Variants in LPAR1 observed in about 807,000 individuals in gnomAD.
LPAR1 encodes lysophosphatidic acid receptor 1, also known as LPA receptor 1.
Under a neutral mutation model 23.8 loss-of-function variants are expected in LPAR1, and 5 were observed. That is an observed-to-expected ratio of 0.21 (90% CI 0.11 to 0.44). LPAR1 has a LOEUF of 0.44. Among genes scored for constraint, LPAR1 ranks in the 20% least tolerant of loss-of-function variants. LPAR1 has a pLI of 0.99. For missense variants in LPAR1, 311 were observed against 482.8 expected (o/e 0.64, Z 3.33); for synonymous variants, 160 against 164.7 (o/e 0.97, Z 0.22).
intron 5 of LPAR1, among the ~76,000 whole-genome samples, chr9:110,898,576 T>C (rs553217310): frequency 2.0e-4 from 30 of 152,276 alleles, no homozygotes; most frequent in Middle Eastern, 6.8e-3. Flanking sequence ...TCAAGGGTCA[T>C]CGGGTTTACA....
At chr9:110,892,702 G>A (rs2084663533) in intron 5 of LPAR1, among the ~76,000 whole-genome samples, 1 of 149,096 alleles carries the variant, frequency 6.7e-6, no homozygotes, top group Admixed American at 6.7e-5. Context: ...GGAGGGGAAG[G>A]GAAAGGAAGG....
At chr9:110,962,211 T>G (rs1360620835) in intron 4 of LPAR1, among the ~76,000 whole-genome samples, 4 of 152,140 alleles carry the variant, frequency 2.6e-5, no homozygotes, top group African/African-American at 9.7e-5. Flanking sequence ...TGACAGCTCA[T>G]TCCTAAGTTC....
chr9:111,012,194 T>C (rs2097343781), intron 2 of LPAR1, among the ~76,000 whole-genome samples: 2 of 152,142 alleles, frequency 1.3e-5, no homozygotes, highest in South Asian at 4.1e-4. Flanking sequence ...AAGGCTGCAA[T>C]GAGCAGTTAT....
At chr9:110,924,660 C>T (rs955323138) in intron 5 of LPAR1, among the ~76,000 whole-genome samples, 1 of 150,832 alleles carries the variant, frequency 6.6e-6, no homozygotes, top group Non-Finnish European at 1.5e-5. Context: ...TAGCAATACA[C>T]TATCTCTTAG....
At chr9:110,947,583 C>T (rs1055788913) in intron 4 of LPAR1, among the ~76,000 whole-genome samples, 1 of 152,148 alleles carries the variant, frequency 6.6e-6, no homozygotes, top group Non-Finnish European at 1.5e-5. Flanking sequence ...TGTTGTTTAC[C>T]TTCACCATGC....
At chr9:110,886,201 A>G (rs1321325228) in intron 5 of LPAR1, among the ~76,000 whole-genome samples, 33 of 144,488 alleles carry the variant, frequency 2.3e-4, no homozygotes, top group Admixed American at 2.1e-3. Context: ...TCCATCTCAA[A>G]AAAAAAAAAA....
chr9:110,909,979 G>A (rs1019222068), intron 5 of LPAR1, among the ~76,000 whole-genome samples: 2 of 151,914 alleles, frequency 1.3e-5, no homozygotes, highest in African/African-American at 2.4e-5. Flanking sequence ...AAACTCCTAA[G>A]CTCAAGCTAT....
chr9:110,924,489 A>G (rs981631742), intron 5 of LPAR1, among the ~76,000 whole-genome samples: 2 of 145,750 alleles, frequency 1.4e-5, no homozygotes, highest in Admixed American at 1.4e-4. Context: ...GTAAAATTCT[A>G]AATGATTTTC....
At chr9:110,935,732 C>A (rs1238382284) in intron 5 of LPAR1, among the ~76,000 whole-genome samples, 1 of 152,208 alleles carries the variant, frequency 6.6e-6, no homozygotes, top group Non-Finnish European at 1.5e-5. Flanking sequence ...AGATTCCCAA[C>A]AGTTAGTGCC....
chr9:111,031,524 T>C (rs144722335), intron 2 of LPAR1, among the ~76,000 whole-genome samples: 1,793 of 151,682 alleles, frequency 0.012, 15 homozygotes, highest in Middle Eastern at 0.017. Flanking sequence ...AGTGGGAGAA[T>C]AGCTTGAGCC....
intron 2 of LPAR1, among the ~76,000 whole-genome samples, chr9:110,977,761 A>G (rs911579953): frequency 1.3e-5 from 2 of 149,662 alleles, no homozygotes; most frequent in South Asian, 2.2e-4. Flanking sequence ...CCCGGAACTT[A>G]AAGTAAAATT....
chr9:111,004,437 T>G (rs1217071372), intron 2 of LPAR1, among the ~76,000 whole-genome samples: 1 of 152,198 alleles, frequency 6.6e-6, no homozygotes, highest in Non-Finnish European at 1.5e-5. Context: ...GAAGAAACTG[T>G]GCTTATTGCT....
intron 2 of LPAR1, among the ~76,000 whole-genome samples, chr9:110,995,319 A>T (rs890925071): frequency 3.3e-5 from 5 of 152,340 alleles, no homozygotes; most frequent in Admixed American, 1.3e-4. Flanking sequence ...AGCTTAAAAA[A>T]AATCAGTATA....
At chr9:110,888,940 T>A (rs1407411614) in intron 5 of LPAR1, among the ~76,000 whole-genome samples, 2 of 152,200 alleles carry the variant, frequency 1.3e-5, no homozygotes, top group East Asian at 3.9e-4. Context: ...ACTCCTGACT[T>A]GGAGTAACAT....
At chr9:110,984,768 T>C (rs368938368) in intron 2 of LPAR1, among the ~76,000 whole-genome samples, 1 of 144,716 alleles carries the variant, frequency 6.9e-6, no homozygotes. Context: ...ATAGTAACGG[T>C]GACAAAAAAA....
At chr9:110,989,118 G>A (rs1281453905) in intron 2 of LPAR1, among the ~76,000 whole-genome samples, 1 of 152,204 alleles carries the variant, frequency 6.6e-6, no homozygotes, top group Non-Finnish European at 1.5e-5. Flanking sequence ...TTTTTCAGGA[G>A]TTTGGAAGAG....
chr9:111,013,617 G>A (rs904199283), intron 2 of LPAR1, among the ~76,000 whole-genome samples: 4 of 152,030 alleles, frequency 2.6e-5, no homozygotes, highest in African/African-American at 7.2e-5. Context: ...CAATTACAAT[G>A]GGATCAATAA....
At chr9:110,990,437 T>C (rs1269010452) in intron 2 of LPAR1, among the ~76,000 whole-genome samples, 1 of 152,140 alleles carries the variant, frequency 6.6e-6, no homozygotes, top group Non-Finnish European at 1.5e-5. Flanking sequence ...CAGAATGATC[T>C]CTGGAAAATC....
At chr9:110,913,566 ATATC>A (rs199713162) in intron 5 of LPAR1, among the ~76,000 whole-genome samples, 7 of 146,680 alleles carry the variant, frequency 4.8e-5, no homozygotes, top group Non-Finnish European at 7.6e-5. Flanking sequence ...ATATATATAT[ATATC>A]CATTTTTAGC....
Sources: allele counts gnomAD v4.1 joint callset (sites outside exome capture counted in the v4.1 genomes callset), GRCh38; gene constraint gnomAD v4.1.1; transcripts MANE v1.5; gene names NCBI Gene and HGNC (gene_info 2026-07-23, HGNC 2026-07-21).